The following KIF6 variants were observed in gnomAD, a reference collection of about 807,000 sequenced individuals.
KIF6 encodes kinesin-like protein KIF6.
A neutral mutation model predicts 112.7 loss-of-function variants in KIF6; 106 were observed. That is an observed-to-expected ratio of 0.94 (90% confidence interval 0.80 to 1.11). The LOEUF (loss-of-function observed/expected upper bound fraction) is 1.11, where lower values mean the gene tolerates loss of function less well. Ranked by LOEUF, KIF6 falls within the 50% of genes least tolerant of loss-of-function variation. KIF6 has a pLI of 0.00. For synonymous variants in KIF6, 339 were observed against 339.9 expected, an observed-to-expected ratio of 1.00 and a Z score of 0.03; for missense variants, 929 against 964.0, an observed-to-expected ratio of 0.96 and a Z score of 0.48.
intron 13 of KIF6, among the ~76,000 whole-genome samples, chr6:39,474,111 G>C (rs1242410925): frequency 6.6e-6 from 1 of 152,190 alleles, no homozygotes; most frequent in African/African-American, 2.4e-5. Flanking sequence ...AACAACTGGG[G>C]AGAGGATCTC....
At chr6:39,407,749 A>T (rs1012484379) in intron 15 of KIF6, among the ~76,000 whole-genome samples, 6 of 152,286 alleles carry the variant, frequency 3.9e-5, no homozygotes, top group African/African-American at 1.4e-4. Flanking sequence ...TCATTTATTC[A>T]TGTAGTGGTT....
chr6:39,523,953 G>A (rs1777555645), intron 13 of KIF6, among the ~76,000 whole-genome samples: 1 of 151,954 alleles, frequency 6.6e-6, no homozygotes, highest in African/African-American at 2.4e-5. Context: ...ATGAATAGGA[G>A]CCACTGCTCC....
At chr6:39,649,014 A>C (rs1414541761) in intron 3 of KIF6, among the ~76,000 whole-genome samples, 1 of 150,926 alleles carries the variant, frequency 6.6e-6, no homozygotes, top group Non-Finnish European at 1.5e-5. Flanking sequence ...AAAAAAAAAA[A>C]TTAGTTGGGT....
At chr6:39,402,978 A>G (rs1768817793) in intron 15 of KIF6, among the ~76,000 whole-genome samples, 1 of 152,154 alleles carries the variant, frequency 6.6e-6, no homozygotes, top group Non-Finnish European at 1.5e-5. Flanking sequence ...GCCTGAAATA[A>G]TTCACCACAA....
intron 13 of KIF6, among the ~76,000 whole-genome samples, chr6:39,438,277 A>G (rs1212260229): frequency 6.6e-6 from 1 of 152,152 alleles, no homozygotes; most frequent in East Asian, 1.9e-4. Context: ...CCTGGCCTAT[A>G]CTATACTTTT....
chr6:39,470,941 G>A (rs2150439500), intron 13 of KIF6, among the ~76,000 whole-genome samples: 1 of 152,128 alleles, frequency 6.6e-6, no homozygotes, highest in Non-Finnish European at 1.5e-5. Flanking sequence ...TTTTCCCCCT[G>A]ACCTTTTCAT....
At position 39,330,459 on chromosome 6, in the gene KIF6, C is replaced by T. The variant is rs546119646; in HGVS notation, c.*6073G>A. ...GGCTGAAGGCATGGGGACTGCTTGC[C>T]TCAGTCTAAAGACAGTGATGGAAAA... is the stretch of plus-strand genomic sequence containing the variant. On this transcript the variant is annotated 3_prime_UTR_variant, in exon 23 of 23. Transcript: ENST00000287152. The T allele has an allele frequency of 2.0e-5, 3 of 152,362 alleles. No individual in the cohort carries two copies. Among genetic ancestry groups the T allele is most frequent in the East Asian group, 3.9e-4 (2 of 5,178 alleles). 9.4% of individuals were successfully genotyped at this position (152,362 alleles called of 1,614,324 possible). A position where few individuals can be genotyped will look rare whatever the true frequency, so the allele number is the denominator to read the frequency against.
intron 12 of KIF6, among the ~76,000 whole-genome samples, chr6:39,541,044 A>C (rs1412088210): frequency 6.6e-6 from 1 of 152,238 alleles, no homozygotes; most frequent in African/African-American, 2.4e-5. Flanking sequence ...CTCTAACTGC[A>C]TATGGGGTAA....
chr6:39,550,416 G>A (rs2150577558), intron 10 of KIF6, among the ~76,000 whole-genome samples: 1 of 152,332 alleles, frequency 6.6e-6, no homozygotes, highest in Non-Finnish European at 1.5e-5. Flanking sequence ...AGGGGAGCCT[G>A]GTGCTGTAAC....
In KIF6 at chr6:39,516,091, T is replaced by C. The variant is rs559052849; in HGVS notation, c.1645+23912A>G. Among the ~76,000 whole-genome samples, 512 of 152,280 alleles carry C rather than the reference T, an allele frequency of 3.4e-3. 4 individuals are homozygous for C. The highest frequency in any genetic ancestry group is 0.011 in the African/African-American group (473 of 41,574). ...ATTAGAGATACTCAACCAGTATGTA[T>C]AAGGCAAATATTCCCAAAATCTGAA... On this transcript the variant is annotated intron_variant, in intron 13 of 22. Transcript: ENST00000287152.
chr6:39,689,691 A>C (rs1788074913), intron 3 of KIF6, among the ~76,000 whole-genome samples: 1 of 151,848 alleles, frequency 6.6e-6, no homozygotes, highest in African/African-American at 2.4e-5. Context: ...TGCAGCCTTG[A>C]CCTCCTGGAC....
intron 17 of KIF6, 52 bp downstream of exon 17, chr6:39,362,382 T>G: frequency 6.4e-6 from 9 of 1,405,082 alleles, no homozygotes; most frequent in Non-Finnish European, 9.1e-6. Flanking sequence ...AGGACGACAC[T>G]GAGACCCTGG....
chr6:39,421,532 G>T (rs1424646576), intron 14 of KIF6, among the ~76,000 whole-genome samples: 1 of 152,180 alleles, frequency 6.6e-6, no homozygotes, highest in Admixed American at 6.5e-5. Flanking sequence ...TCCAGGCAGG[G>T]GAACAACAAA....
chr6:39,641,012 C>T (rs1784871231), intron 3 of KIF6, among the ~76,000 whole-genome samples: 1 of 152,022 alleles, frequency 6.6e-6, no homozygotes, highest in Admixed American at 6.6e-5. Flanking sequence ...TGTGTCTTTA[C>T]ATGGAGACAA....
At chr6:39,386,749 G>T (rs776825165) in intron 15 of KIF6, among the ~76,000 whole-genome samples, 4 of 152,066 alleles carry the variant, frequency 2.6e-5, no homozygotes, top group African/African-American at 4.8e-5. Context: ...ATGATTTCGT[G>T]CATGAAGGAG....
chr6:39,345,049 C>T (rs568745415), intron 21 of KIF6, among the ~76,000 whole-genome samples: 15 of 152,258 alleles, frequency 9.9e-5, no homozygotes, highest in Non-Finnish European at 2.2e-4. Context: ...AAACTCAGAG[C>T]AGTACACTTG....
intron 13 of KIF6, among the ~76,000 whole-genome samples, chr6:39,516,299 G>A (rs551146376): frequency 6.7e-6 from 1 of 150,264 alleles, no homozygotes; most frequent in African/African-American, 2.4e-5. Context: ...TGTTTCAATG[G>A]ATATATATAT....
At chr6:39,454,568 A>T (rs1292655829) in intron 13 of KIF6, among the ~76,000 whole-genome samples, 3 of 150,038 alleles carry the variant, frequency 2.0e-5, no homozygotes, top group Admixed American at 2.0e-4. Context: ...AGCGTGAGCG[A>T]CGCAGAAGAC....
intron 15 of KIF6, among the ~76,000 whole-genome samples, chr6:39,416,311 T>G (rs1382573245): frequency 6.6e-6 from 1 of 152,218 alleles, no homozygotes; most frequent in Non-Finnish European, 1.5e-5. Flanking sequence ...AGTCTACTTC[T>G]TTTCCCAGTT....
Sources: allele counts gnomAD v4.1 joint callset (sites outside exome capture counted in the v4.1 genomes callset), GRCh38; gene constraint gnomAD v4.1.1; transcripts MANE v1.5; gene names NCBI Gene and HGNC (gene_info 2026-07-23, HGNC 2026-07-21).